Variants in TRIM5 observed in about 807,000 individuals in gnomAD.
The protein encoded by TRIM5 is tripartite motif containing 5, also known as tripartite motif-containing protein 5.
Under a neutral mutation model 35.6 loss-of-function variants are expected in TRIM5, and 31 were observed. The observed-to-expected ratio is 0.87, with a 90% confidence interval of 0.65 to 1.18. TRIM5 has a LOEUF of 1.18. Among genes scored for constraint, TRIM5 ranks in the 50% most tolerant of loss-of-function variants. The probability of loss-of-function intolerance (pLI) is 0.00; values close to 1 mark genes in which losing one functional copy is unlikely to be tolerated. For synonymous variants in TRIM5, 243 were observed against 215.6 expected, an observed-to-expected ratio of 1.13 and a Z score of -1.11; for missense variants, 609 against 591.6, an observed-to-expected ratio of 1.03 and a Z score of -0.31.
intron 4 of TRIM5, among the ~76,000 whole-genome samples, chr11:5,668,502 T>G (rs1851317441): frequency 1.3e-5 from 2 of 152,016 alleles, no homozygotes; most frequent in Non-Finnish European, 2.9e-5. Flanking sequence ...TGCCCAGGAG[T>G]GCAGTGGCGT....
chr11:5,592,296 C>T, the TRIM5 span, among the ~76,000 whole-genome samples: 2 of 152,314 alleles, frequency 1.3e-5, no homozygotes, highest in Non-Finnish European at 2.9e-5. Context: ...CTATCACTCA[C>T]TGACGAGCTA....
At chr11:5,633,736 C>T in the TRIM5 span, 41 of 1,465,872 alleles carry the variant, frequency 2.8e-5, no homozygotes, top group East Asian at 7.0e-4. Context: ...GATTTTTTCC[C>T]TGTTTGTCCT....
intron 4 of TRIM5, among the ~76,000 whole-genome samples, chr11:5,671,139 T>A (rs1851558091): frequency 1.3e-5 from 2 of 152,162 alleles, no homozygotes; most frequent in Admixed American, 1.3e-4. Flanking sequence ...GGTGAGGGGA[T>A]TGCTTGAGTT....
chr11:5,673,936 GA>G lies in TRIM5; in HGVS notation c.744+4267del, dbSNP rs574974281. Reference sequence around the variant, plus strand: ...AATTCATTTATTAAACACTATATCAGAAAAAAAAAGATTTCACAGCATCTAA... The same window carrying G: ...AATTCATTTATTAAACACTATATCAGAAAAAAAAGATTTCACAGCATCTAA... On this transcript the variant is annotated intron_variant, in intron 4 of 7. Coordinates refer to ENST00000380034, the MANE Select transcript of TRIM5 (RefSeq NM_033034.3). 2.2e-4 allele frequency among the ~76,000 whole-genome samples: 32 copies of G among 146,240 alleles called. No homozygotes were observed. In the East Asian group the frequency reaches 3.0e-3, roughly 14 times the overall value.
the TRIM5 span, among the ~76,000 whole-genome samples, chr11:5,653,340 G>T: frequency 6.6e-6 from 1 of 151,970 alleles, no homozygotes; most frequent in East Asian, 1.9e-4. Flanking sequence ...TAGTCCTTGG[G>T]CTTCCTATAT....
the TRIM5 span, chr11:5,643,444 G>C: frequency 6.2e-7 from 1 of 1,614,088 alleles, no homozygotes. Flanking sequence ...TGGGTTATAG[G>C]GTTACAGAAT....
At chr11:5,604,698 A>G in the TRIM5 span, 1 of 1,522,300 alleles carries the variant, frequency 6.6e-7, no homozygotes, top group Non-Finnish European at 8.9e-7. Flanking sequence ...CTGAGGGCAA[A>G]GGAGTCCTTG....
At chr11:5,634,722 G>C in the TRIM5 span, 1 of 1,614,148 alleles carries the variant, frequency 6.2e-7, no homozygotes, top group Non-Finnish European at 8.5e-7. Context: ...GAGCTGCAAA[G>C]ATTGGAAGAA....
At chr11:5,669,140 C>T (rs979203924) in intron 4 of TRIM5, among the ~76,000 whole-genome samples, 3 of 149,704 alleles carry the variant, frequency 2.0e-5, no homozygotes, top group Non-Finnish European at 3.0e-5. Context: ...AGTGCAACGG[C>T]GCGATCTCAG....
the TRIM5 span, chr11:5,642,898 A>C: frequency 6.2e-7 from 1 of 1,605,790 alleles, no homozygotes; most frequent in Non-Finnish European, 8.5e-7. Context: ...TCAGAAGTTT[A>C]TGGTTTCAAT....
the TRIM5 span, chr11:5,611,326 G>A: frequency 3.1e-6 from 5 of 1,613,254 alleles, no homozygotes; most frequent in African/African-American, 1.3e-5. Context: ...ATGACCCTGC[G>A]TCGTCCAAGC....
the TRIM5 span, among the ~76,000 whole-genome samples, chr11:5,594,910 C>T: frequency 4.6e-5 from 7 of 152,236 alleles, no homozygotes; most frequent in African/African-American, 1.7e-4. Context: ...CCTGAAGCGT[C>T]ATCCAGGGGC....
In TRIM5 at chr11:5,664,342, A is replaced by G; in HGVS notation, c.*467T>C. ...TAGATACAAAACCTCTATACTTAAG[A>G]GTATACCATTTATGATATTTTCTCT... On this transcript the variant is annotated 3_prime_UTR_variant, in exon 8 of 8. Coordinates refer to ENST00000380034, the MANE Select transcript of TRIM5 (RefSeq NM_033034.3). 1 of 991,472 alleles carries G rather than the reference A, an allele frequency of 1.0e-6. No individual in the cohort carries two copies. The highest frequency in any genetic ancestry group is 1.2e-6 in the Non-Finnish European group (1 of 833,454). 61.4% of individuals were successfully genotyped at this position (991,472 alleles called of 1,614,324 possible).
Position 5,674,646 on chromosome 11 carries a change from G to A in TRIM5, c.744+3558C>T, listed in dbSNP as rs565926760. The stretch of plus-strand genomic sequence containing the variant: ...CTCACAGCCTAGGCTCTAGATCTGT[G>A]CAGTGGACTCAGTCTACGAGCTATC... On this transcript the variant is annotated intron_variant, in intron 4 of 7. Coordinates refer to ENST00000380034, the MANE Select transcript of TRIM5 (RefSeq NM_033034.3). Among the ~76,000 whole-genome samples the A allele has an allele frequency of 2.4e-3, 365 of 152,332 alleles. 1 individual carries two copies. Among genetic ancestry groups the A allele is most frequent in the African/African-American group, 7.9e-3 (327 of 41,584 alleles).
intron 4 of TRIM5, among the ~76,000 whole-genome samples, chr11:5,674,839 T>G (rs576408660): frequency 6.6e-6 from 1 of 152,084 alleles, no homozygotes; most frequent in Non-Finnish European, 1.5e-5. Flanking sequence ...ATGTAAAAAA[T>G]AGTTGAGCTC....
the TRIM5 span, among the ~76,000 whole-genome samples, chr11:5,640,583 T>C: frequency 3.9e-5 from 6 of 152,140 alleles, no homozygotes; most frequent in African/African-American, 1.2e-4. Context: ...ATAAGAGATA[T>C]TGGTCTATGG....
At chr11:5,644,304 T>C in the TRIM5 span, 6 of 398,606 alleles carry the variant, frequency 1.5e-5, 1 homozygote, top group Non-Finnish European at 1.3e-5. Flanking sequence ...TACCTAACTA[T>C]TAAGATCACT....
chr11:5,610,479 C>T, the TRIM5 span: 10 of 1,613,296 alleles, frequency 6.2e-6, no homozygotes, highest in East Asian at 2.2e-5. Context: ...GAGAGAGATA[C>T]CAGACATGAG....
chr11:5,681,675 C>G (rs1291604321), intron 1 of TRIM5, among the ~76,000 whole-genome samples: 1 of 141,494 alleles, frequency 7.1e-6, no homozygotes, highest in East Asian at 2.2e-4. Context: ...CTAAACAGGT[C>G]CTAATCGATT....
Sources: gnomAD v4.1 joint callset for allele counts (sites outside exome capture counted in the v4.1 genomes callset) on GRCh38, gnomAD v4.1.1 for gene constraint, MANE v1.5 for transcripts, NCBI Gene and HGNC (gene_info 2026-07-23, HGNC 2026-07-21) for gene names.